The following PRKD3 variants were observed in gnomAD, a reference collection of about 807,000 sequenced individuals.
PRKD3 encodes serine/threonine-protein kinase D3.
A neutral mutation model predicts 99.2 loss-of-function variants in PRKD3; 47 were observed. That is an observed-to-expected ratio of 0.47 (90% CI 0.38 to 0.60). PRKD3 has a LOEUF of 0.60. Among genes scored for constraint, PRKD3 ranks in the 20% least tolerant of loss-of-function variants. The pLI, the probability that PRKD3 is intolerant of heterozygous loss-of-function variation, is 0.00. For synonymous variants in PRKD3, 392 were observed against 355.4 expected (o/e 1.10, Z -1.16); for missense variants, 1,019 against 1,088.4 (o/e 0.94, Z 0.90).
intron 5 of PRKD3, among the ~76,000 whole-genome samples, chr2:37,287,352 GTCCTTTTCTTT>G (rs895926412): frequency 2.7e-5 from 4 of 146,086 alleles, no homozygotes; most frequent in African/African-American, 7.7e-5. Context: ...CAGTTGTTTT[GTCCTTTTCTTT>G]TCCTTTTCTT....
intron 5 of PRKD3, 124 bp downstream of exon 5, chr2:37,289,232 T>G: frequency 8.6e-7 from 1 of 1,167,886 alleles, no homozygotes; most frequent in South Asian, 1.8e-5. Flanking sequence ...CATTTTATGT[T>G]TCTTAAGTGT....
At chr2:37,289,670 T>C (rs1335144281) in intron 4 of PRKD3, among the ~76,000 whole-genome samples, 157 bp from the exon 5 acceptor site, 3 of 152,168 alleles carry the variant, frequency 2.0e-5, no homozygotes. Context: ...TGGAAGCTAA[T>C]GAATTCAAGA....
chr2:37,267,961 G>T (rs891753765), intron 13 of PRKD3: 16 of 188,560 alleles, frequency 8.5e-5, no homozygotes, highest in African/African-American at 1.2e-4. Flanking sequence ...CTATATTCTA[G>T]AATCTAGATA....
chr2:37,316,565 T>C lies in PRKD3; in HGVS notation c.-41A>G, dbSNP rs1358358408. ...CTTTTAAAATAGTTGTCGATTCTTT[T>C]TCAATGGTTATGAAGAGGTTTTTAA... On this transcript the variant is annotated 5_prime_UTR_variant, in exon 2 of 19. Transcript: ENST00000234179. The C allele has an allele frequency of 1.3e-6, 2 of 1,583,482 alleles. No homozygotes were observed. Among genetic ancestry groups the C allele is most frequent in the Admixed American group, 1.8e-5 (1 of 55,224 alleles).
At chr2:37,264,024 C>G (rs1009438525) in intron 14 of PRKD3, among the ~76,000 whole-genome samples, 1 of 152,154 alleles carries the variant, frequency 6.6e-6, no homozygotes, top group Admixed American at 6.6e-5. Flanking sequence ...TTTTCTCCCA[C>G]TACTCTACTA....
chr2:37,304,169 A>G (rs1316085418), intron 2 of PRKD3, among the ~76,000 whole-genome samples: 1 of 151,190 alleles, frequency 6.6e-6, no homozygotes, highest in Non-Finnish European at 1.5e-5. Context: ...TGAATCCCCA[A>G]GCACTTTGTA....
chr2:37,254,117 G>T (rs926822716), intron 18 of PRKD3, 87 bp downstream of exon 18: 8 of 937,990 alleles, frequency 8.5e-6, no homozygotes, highest in Non-Finnish European at 1.4e-5. Flanking sequence ...TTATTCTGCT[G>T]ATCTTAGAGT....
At position 37,289,594 on chromosome 2, in the gene PRKD3, CTTT is replaced by C. The variant is rs914875031; in HGVS notation, c.560-84_560-82del. 1.3e-5 allele frequency: 15 copies of C among 1,169,860 alleles called. No individual in the cohort carries two copies. In the African/African-American group the frequency reaches 2.3e-4, roughly 18 times the overall value. 72.5% of individuals were successfully genotyped at this position (1,169,860 alleles called of 1,614,324 possible). On this transcript the variant is annotated intron_variant, in intron 4 of 18. Coordinates refer to ENST00000234179, the MANE Select transcript of PRKD3 (RefSeq NM_005813.6). Reference sequence around the variant, plus strand: ...GTGTGATACATAAAAACCACTGCTTCTTTTATTTAACATATTTTCTGTTAGCCA... The same window carrying C: ...GTGTGATACATAAAAACCACTGCTTCTATTTAACATATTTTCTGTTAGCCA...
At chr2:37,270,642 T>G (rs949176788) in intron 12 of PRKD3, among the ~76,000 whole-genome samples, 1 of 152,164 alleles carries the variant, frequency 6.6e-6, no homozygotes, top group Admixed American at 6.5e-5. Context: ...CCCACACTTA[T>G]AAAGACAAAG....
rs1669458380 is a variant in PRKD3 at position 37,274,444 on chromosome 2, G to A, written c.1628C>T (p.Ser543Phe). 1.2e-6 allele frequency: 2 copies of A among 1,614,138 alleles called. No homozygotes were observed. Among genetic ancestry groups the A allele is most frequent in the Non-Finnish European group, 1.7e-6 (2 of 1,180,004 alleles). The part of the protein sequence containing the change: ...PVTPQASVCT[S>F]PGQGKDHKDL... ...ACTGTGATCTTTCCCTTGCCCTGGAGAAGTGCAAACACTTGCTTGAGGAGT... is the reference window on the plus strand; with the variant it reads ...ACTGTGATCTTTCCCTTGCCCTGGAAAAGTGCAAACACTTGCTTGAGGAGT... Residue 543 changes from serine (S) to phenylalanine (F), a missense_variant, in exon 11 of 19, where the codon TCT becomes TTT. By Grantham distance (155) the Ser-to-Phe change is radical. Coordinates refer to ENST00000234179, the MANE Select transcript of PRKD3 (RefSeq NM_005813.6).
chr2:37,297,416 G>C (rs908901484), intron 2 of PRKD3, among the ~76,000 whole-genome samples: 1 of 151,918 alleles, frequency 6.6e-6, no homozygotes, highest in African/African-American at 2.4e-5. Context: ...CCCATACCCA[G>C]TTTCCCCTAT....
chr2:37,269,838 T>C (rs1669105842), intron 12 of PRKD3, 151 bp from the exon 13 acceptor site: 1 of 624,116 alleles, frequency 1.6e-6, no homozygotes, highest in African/African-American at 1.8e-5. Flanking sequence ...AAACACAGGC[T>C]TTCTATGTTC....
At chr2:37,296,071 T>C (rs1019649012) in intron 2 of PRKD3, among the ~76,000 whole-genome samples, 5 of 151,342 alleles carry the variant, frequency 3.3e-5, no homozygotes, top group Non-Finnish European at 7.4e-5. Context: ...GACAAGGAAC[T>C]TTCTCTCCAG....
chr2:37,291,797 A>G (rs1670441642), intron 3 of PRKD3, among the ~76,000 whole-genome samples: 1 of 152,214 alleles, frequency 6.6e-6, no homozygotes, highest in South Asian at 2.1e-4. Flanking sequence ...GAATTTGAGA[A>G]AAGGGAACTT....
intron 2 of PRKD3, among the ~76,000 whole-genome samples, 170 bp downstream of exon 2, chr2:37,316,067 T>C (rs948568245): frequency 6.6e-6 from 1 of 152,240 alleles, no homozygotes; most frequent in Non-Finnish European, 1.5e-5. Context: ...TCCAATTAGC[T>C]AGACTCTGAA....
At chr2:37,271,243 C>T (rs1012605950) in intron 12 of PRKD3, among the ~76,000 whole-genome samples, 1 of 151,970 alleles carries the variant, frequency 6.6e-6, no homozygotes, top group Non-Finnish European at 1.5e-5. Context: ...CTCTCTAGTC[C>T]AGGGGTTAGC....
chr2:37,324,186 C>A, intron 1 of PRKD3: 5 of 985,450 alleles, frequency 5.1e-6, no homozygotes, highest in Non-Finnish European at 6.0e-6. Flanking sequence ...TCTCCAAGCA[C>A]CATTTACTCA....
At chr2:37,254,158 A>G (rs1344962112) in intron 18 of PRKD3, 46 bp downstream of exon 18, 2 of 1,391,070 alleles carry the variant, frequency 1.4e-6, no homozygotes, top group Non-Finnish European at 2.0e-6. Context: ...ATCAGAGTGA[A>G]CTACTCAAAT....
chr2:37,288,574 A>T (rs1287666693), intron 5 of PRKD3, among the ~76,000 whole-genome samples: 1 of 152,200 alleles, frequency 6.6e-6, no homozygotes, highest in Non-Finnish European at 1.5e-5. Flanking sequence ...ATACTATGAA[A>T]TGTACAAGGG....
Sources: gnomAD v4.1 joint callset for allele counts (sites outside exome capture counted in the v4.1 genomes callset) on GRCh38, gnomAD v4.1.1 for gene constraint, MANE v1.5 for transcripts, NCBI Gene and HGNC (gene_info 2026-07-23, HGNC 2026-07-21) for gene names.